Variants in HCN1 observed in about 807,000 individuals in gnomAD.
HCN1 encodes potassium/sodium hyperpolarization-activated cyclic nucleotide-gated channel 1.
A neutral mutation model predicts 78.9 loss-of-function variants in HCN1; 13 were observed. The ratio of observed to expected loss-of-function variants is 0.16; its 90% CI spans 0.11 to 0.26. The LOEUF (loss-of-function observed/expected upper bound fraction) is 0.26. HCN1 is among the 10% of genes least tolerant of loss of function. The pLI, the probability that HCN1 is intolerant of heterozygous loss-of-function variation, is 1.00. For synonymous variants in HCN1, 552 were observed against 455.5 expected (o/e 1.21, Z -2.70); for missense variants, 810 against 1,154.3 (o/e 0.70, Z 4.32).
chr5:45,363,145 C>CATATATATATATATATATATATATAT (rs34074894), intron 4 of HCN1, among the ~76,000 whole-genome samples: 1 of 131,288 alleles, frequency 7.6e-6, no homozygotes, highest in African/African-American at 3.0e-5. Context: ...TATATATATA[C>CATATATATATATATATATATATATAT]ATATATATAT....
intron 3 of HCN1, among the ~76,000 whole-genome samples, chr5:45,400,678 A>T (rs962989189): frequency 6.6e-6 from 1 of 152,108 alleles, no homozygotes; most frequent in Non-Finnish European, 1.5e-5. Flanking sequence ...AAGTGCTGGG[A>T]TTACAGGCAT....
At chr5:45,509,161 T>G (rs950233849) in intron 2 of HCN1, among the ~76,000 whole-genome samples, 1 of 152,156 alleles carries the variant, frequency 6.6e-6, no homozygotes, top group Non-Finnish European at 1.5e-5. Flanking sequence ...CATTGTATCA[T>G]TTTCTGCTAA....
intron 3 of HCN1, among the ~76,000 whole-genome samples, chr5:45,445,063 G>A (rs1259708466): frequency 6.6e-6 from 1 of 152,194 alleles, no homozygotes; most frequent in Non-Finnish European, 1.5e-5. Context: ...CACCGTGCGT[G>A]AGCCGAAACA....
intron 2 of HCN1, among the ~76,000 whole-genome samples, chr5:45,582,921 C>G (rs1744112561): frequency 6.6e-6 from 1 of 151,958 alleles, no homozygotes; most frequent in African/African-American, 2.4e-5. Context: ...ATTCAGTTTG[C>G]CAGTATTTTA....
At chr5:45,523,269 T>G (rs1742653626) in intron 2 of HCN1, among the ~76,000 whole-genome samples, 1 of 152,178 alleles carries the variant, frequency 6.6e-6, no homozygotes, top group Non-Finnish European at 1.5e-5. Flanking sequence ...TGTTGGACAT[T>G]TGGGTTGGTT....
At position 45,525,810 on chromosome 5, in the gene HCN1, G is replaced by T. The variant is rs553822436; in HGVS notation, c.850-63803C>A. On this transcript the variant is annotated intron_variant, in intron 2 of 7. Transcript: ENST00000303230. ...TTTAGTTTAGGTCTTCTTAGGGACT[G>T]CATGTTTATGTGCCTGAAATTCATG... Among the ~76,000 whole-genome samples the T allele has an allele frequency of 2.0e-5, 3 of 152,108 alleles. No individual in the cohort carries two copies. The South Asian group carries it at 6.2e-4, about 32-fold the overall frequency.
intron 2 of HCN1, among the ~76,000 whole-genome samples, chr5:45,486,862 T>C (rs1175122957): frequency 1.3e-5 from 2 of 152,136 alleles, no homozygotes; most frequent in African/African-American, 4.8e-5. Flanking sequence ...TTCATATAAA[T>C]CTTCAAATAT....
intron 1 of HCN1, among the ~76,000 whole-genome samples, chr5:45,686,763 A>G (rs978427129): frequency 2.0e-5 from 3 of 152,112 alleles, no homozygotes; most frequent in Non-Finnish European, 4.4e-5. Context: ...GCTGATATCC[A>G]TCTATTTGTT....
chr5:45,680,990 T>C (rs74789894), intron 1 of HCN1, among the ~76,000 whole-genome samples: 3,707 of 152,212 alleles, frequency 0.024, 175 homozygotes, highest in African/African-American at 0.084. Flanking sequence ...ATAACCTCCT[T>C]AATATCTGGT....
intron 3 of HCN1, among the ~76,000 whole-genome samples, chr5:45,404,693 C>CAAAAAAAAAAAAAAAAAAAAAAAAAAAAA (rs60728403): frequency 3.6e-5 from 2 of 56,236 alleles, no homozygotes; most frequent in Non-Finnish European, 6.9e-5. Context: ...GGGCTATTTG[C>CAAAAAAAAAAAAAAAAAAAAAAAAAAAAA]AAAAAAAAAA....
intron 7 of HCN1, 70 bp downstream of exon 7, chr5:45,267,019 C>T: frequency 3.7e-6 from 5 of 1,334,760 alleles, no homozygotes; most frequent in Non-Finnish European, 5.4e-6. Context: ...GCATTTGGGA[C>T]TTATAATTGC....
chr5:45,654,687 T>C (rs1745734959), intron 1 of HCN1, among the ~76,000 whole-genome samples: 1 of 152,122 alleles, frequency 6.6e-6, no homozygotes, highest in African/African-American at 2.4e-5. Context: ...ATTGAAGACA[T>C]TTTATTTTGA....
chr5:45,401,657 G>GT (rs77219002), intron 3 of HCN1, among the ~76,000 whole-genome samples: 15,821 of 136,738 alleles, frequency 0.12, 1,081 homozygotes, highest in Middle Eastern at 0.19. Context: ...CTAGAGAAAG[G>GT]TTTTTTTTTT....
chr5:45,372,043 T>TTA (rs1462046698), intron 4 of HCN1, among the ~76,000 whole-genome samples: 1 of 57,678 alleles, frequency 1.7e-5, no homozygotes, highest in African/African-American at 9.4e-5. Context: ...TATATATATA[T>TTA]TATATATATA....
At chr5:45,550,371 T>C (rs2111853179) in intron 2 of HCN1, among the ~76,000 whole-genome samples, 1 of 152,186 alleles carries the variant, frequency 6.6e-6, no homozygotes, top group East Asian at 1.9e-4. Context: ...CTGGAAACCA[T>C]CATTCTCAGC....
intron 2 of HCN1, among the ~76,000 whole-genome samples, chr5:45,470,824 C>T (rs138745475): frequency 7.8e-4 from 119 of 152,088 alleles, no homozygotes; most frequent in Middle Eastern, 3.4e-3. Context: ...CACTAAATCA[C>T]ATGAACCCTT....
At chr5:45,642,855 C>A (rs1745480780) in intron 2 of HCN1, 1 of 152,224 alleles carries the variant, frequency 6.6e-6, no homozygotes, top group African/African-American at 2.4e-5. Flanking sequence ...TGGATTATGA[C>A]TCTGTTTCTT....
chr5:45,461,127 AAT>A (rs923923798), intron 3 of HCN1, among the ~76,000 whole-genome samples: 1 of 151,932 alleles, frequency 6.6e-6, no homozygotes, highest in Non-Finnish European at 1.5e-5. Context: ...GTATATATAA[AAT>A]ATATATAGAG....
At chr5:45,602,646 A>T (rs1011343201) in intron 2 of HCN1, among the ~76,000 whole-genome samples, 12 of 152,268 alleles carry the variant, frequency 7.9e-5, no homozygotes, top group African/African-American at 2.6e-4. Flanking sequence ...ATGATTGCTG[A>T]CCAAGAAAAA....
Sources: gnomAD v4.1 joint callset for allele counts (sites outside exome capture counted in the v4.1 genomes callset) on GRCh38, gnomAD v4.1.1 for gene constraint, MANE v1.5 for transcripts, NCBI Gene and HGNC (gene_info 2026-07-23, HGNC 2026-07-21) for gene names.